Variants in OPHN1 observed in about 807,000 individuals in gnomAD.
OPHN1 encodes the protein oligophrenin 1, also known as oligophrenin-1.
In OPHN1, 11 loss-of-function variants were observed where a neutral mutation model predicts 60.7. The observed-to-expected ratio is 0.18, with a 90% CI of 0.11 to 0.30. The LOEUF is 0.30. Ranked by LOEUF, OPHN1 falls within the 10% of genes least tolerant of loss-of-function variation. The probability of loss-of-function intolerance (pLI) is 1.00; values close to 1 mark genes in which losing one functional copy is unlikely to be tolerated. For synonymous variants in OPHN1, 226 were observed against 222.6 expected (o/e 1.02, Z -0.14); for missense variants, 449 against 611.0 (o/e 0.73, Z 2.80).
intron 2 of OPHN1, among the ~76,000 whole-genome samples, chrX:68,321,193 T>G (rs1199433518): frequency 9.0e-6 from 1 of 111,703 alleles, no homozygotes; most frequent in Non-Finnish European, 1.9e-5. Flanking sequence ...TATTCCTGCC[T>G]TAGTCTTTAT....
intron 2 of OPHN1, among the ~76,000 whole-genome samples, chrX:68,333,499 G>A (rs1373894521): frequency 9.1e-6 from 1 of 110,400 alleles, no homozygotes; most frequent in Non-Finnish European, 1.9e-5. Flanking sequence ...GCTGGGCATG[G>A]TGGCACATGC....
chrX:68,195,318 G>A (rs1316207838), intron 12 of OPHN1, among the ~76,000 whole-genome samples: 1 of 111,746 alleles, frequency 8.9e-6, no homozygotes, highest in Non-Finnish European at 1.9e-5. Context: ...ACTTCTCTGT[G>A]GAAAGGCAAA....
At chrX:68,297,508 T>C (rs1028610093) in intron 3 of OPHN1, among the ~76,000 whole-genome samples, 2 of 112,150 alleles carry the variant, frequency 1.8e-5, no homozygotes, top group Non-Finnish European at 3.8e-5. Context: ...AGTTACACAG[T>C]CACATTTAAC....
chrX:68,085,285 T>C (rs905532790), intron 19 of OPHN1, among the ~76,000 whole-genome samples: 1 of 112,178 alleles, frequency 8.9e-6, no homozygotes, highest in Admixed American at 9.4e-5. Flanking sequence ...ATGGAATTGC[T>C]CTTCCCAAAG....
chrX:68,198,020 C>T (rs1307961858), intron 11 of OPHN1, among the ~76,000 whole-genome samples: 1 of 111,032 alleles, frequency 9.0e-6, no homozygotes, highest in Non-Finnish European at 1.9e-5. Context: ...GTCCAGCAGC[C>T]ATATTCTTCA....
At chrX:68,334,601 T>G (rs2078312859) in intron 2 of OPHN1, among the ~76,000 whole-genome samples, 1 of 112,231 alleles carries the variant, frequency 8.9e-6, no homozygotes, top group South Asian at 3.7e-4. Context: ...TAAATTCCAA[T>G]ACAATTCAAA....
intron 15 of OPHN1, among the ~76,000 whole-genome samples, chrX:68,155,556 T>C (rs1286010208): frequency 8.9e-6 from 1 of 112,255 alleles, no homozygotes; most frequent in African/African-American, 3.2e-5. Flanking sequence ...ATTAAACCTT[T>C]TTCTTTACAA....
At chrX:68,178,253 C>G (rs2077422408) in intron 15 of OPHN1, among the ~76,000 whole-genome samples, 1 of 111,672 alleles carries the variant, frequency 9.0e-6, no homozygotes, top group South Asian at 3.8e-4. Context: ...GTTCAAAATT[C>G]AAATTGTGCA....
chrX:68,256,085 G>A (rs1196961944), intron 5 of OPHN1, among the ~76,000 whole-genome samples: 2 of 111,185 alleles, frequency 1.8e-5, no homozygotes, highest in South Asian at 3.8e-4. Flanking sequence ...TGCTCACTGC[G>A]AATGCACCAG....
At chrX:68,317,769 A>G (rs745862181) in intron 2 of OPHN1, among the ~76,000 whole-genome samples, 1 of 111,173 alleles carries the variant, frequency 9.0e-6, no homozygotes, top group East Asian at 2.8e-4. Context: ...AGAAATCAGG[A>G]AAATTTCCAA....
chrX:68,055,015 G>A (rs2076867291), intron 21 of OPHN1, among the ~76,000 whole-genome samples: 1 of 112,067 alleles, frequency 8.9e-6, no homozygotes, highest in African/African-American at 3.2e-5. Context: ...GCTCTAAAAT[G>A]TAGAAGATAA....
chrX:68,194,369 T>TG (rs1390823149), intron 13 of OPHN1, 96 bp downstream of exon 13: 4 of 725,105 alleles, frequency 5.5e-6, no homozygotes, highest in Middle Eastern at 5.8e-4. Flanking sequence ...TATTCAGACT[T>TG]GCGTTAGTAG....
chrX:68,074,860 C>CA (rs1325176483), intron 19 of OPHN1, among the ~76,000 whole-genome samples: 2 of 111,116 alleles, frequency 1.8e-5, no homozygotes, highest in East Asian at 5.6e-4. Flanking sequence ...ATTGCTGAGG[C>CA]AAAAAACAAA....
chrX:68,108,390 A>G (rs1266835421), intron 18 of OPHN1, among the ~76,000 whole-genome samples: 1 of 112,159 alleles, frequency 8.9e-6, no homozygotes, highest in Non-Finnish European at 1.9e-5. Flanking sequence ...TCCCTTCGAC[A>G]CTGTTTCAGT....
intron 4 of OPHN1, among the ~76,000 whole-genome samples, chrX:68,282,557 T>C (rs182790429): frequency 1.8e-5 from 2 of 112,158 alleles, no homozygotes; most frequent in African/African-American, 6.5e-5. Context: ...GAACTTTAGT[T>C]AATAATATTG....
chrX:68,211,742 G>T (rs1348374660), intron 8 of OPHN1, among the ~76,000 whole-genome samples: 1 of 112,314 alleles, frequency 8.9e-6, no homozygotes, highest in Admixed American at 9.5e-5. Flanking sequence ...TGGTAATAAA[G>T]TCTACAGTGA....
intron 3 of OPHN1, among the ~76,000 whole-genome samples, chrX:68,289,822 GA>G (rs2078062016): frequency 8.9e-6 from 1 of 112,438 alleles, no homozygotes; most frequent in Non-Finnish European, 1.9e-5. Flanking sequence ...CAATGATTGG[GA>G]AATTATTAAG....
intron 23 of OPHN1, among the ~76,000 whole-genome samples, chrX:68,052,166 T>C (rs2076854476): frequency 9.0e-6 from 1 of 111,099 alleles, no homozygotes; most frequent in South Asian, 3.9e-4. Context: ...GGCGTGCACC[T>C]GTAGTCCCAG....
chrX:68,265,475 T>A (rs778712515), intron 5 of OPHN1, among the ~76,000 whole-genome samples: 1 of 111,800 alleles, frequency 8.9e-6, no homozygotes, highest in African/African-American at 3.3e-5. Context: ...GTCCTGACTG[T>A]TACAAGGAAA....
Sources: allele counts gnomAD v4.1 joint callset (sites outside exome capture counted in the v4.1 genomes callset), GRCh38; gene constraint gnomAD v4.1.1; transcripts MANE v1.5; gene names NCBI Gene and HGNC (gene_info 2026-07-23, HGNC 2026-07-21).